The following SYT1 variants were observed in gnomAD, a reference collection of about 807,000 sequenced individuals.
The protein encoded by SYT1 is synaptotagmin-1.
SYT1 carries 8 observed loss-of-function variants against 44.8 expected under a neutral mutation model. That is an observed-to-expected ratio of 0.18 (90% CI 0.10 to 0.32). The LOEUF (loss-of-function observed/expected upper bound fraction) is 0.32. Among genes scored for constraint, SYT1 ranks in the 10% least tolerant of loss-of-function variants. SYT1 has a pLI of 1.00. For synonymous variants in SYT1, 154 were observed against 188.8 expected, an observed-to-expected ratio of 0.82 and a Z score of 1.51; for missense variants, 286 against 509.3, an observed-to-expected ratio of 0.56 and a Z score of 4.22.
At chr12:79,209,528 G>T (rs1034661244) in intron 3 of SYT1, among the ~76,000 whole-genome samples, 2 of 152,164 alleles carry the variant, frequency 1.3e-5, no homozygotes, top group Admixed American at 6.5e-5. Flanking sequence ...CTTCAGAGAT[G>T]AACTAAATCG....
At chr12:79,017,776 C>G (rs926778783) in intron 2 of SYT1, among the ~76,000 whole-genome samples, 1 of 151,998 alleles carries the variant, frequency 6.6e-6, no homozygotes, top group Non-Finnish European at 1.5e-5. Flanking sequence ...TTAGATTGTA[C>G]TTTGATAAAA....
intron 9 of SYT1, among the ~76,000 whole-genome samples, chr12:79,395,780 G>A (rs1884844654): frequency 6.7e-6 from 1 of 149,900 alleles, no homozygotes; most frequent in Non-Finnish European, 1.5e-5. Context: ...CATAATAAAA[G>A]GGGGAAAAGA....
intron 4 of SYT1, among the ~76,000 whole-genome samples, chr12:79,242,432 C>T (rs928108507): frequency 6.6e-6 from 1 of 152,146 alleles, no homozygotes; most frequent in African/African-American, 2.4e-5. Context: ...CAGTGAGAGG[C>T]CCCTCCCCTG....
chr12:78,868,463 G>A (rs1292881291), intron 1 of SYT1, among the ~76,000 whole-genome samples: 3 of 151,608 alleles, frequency 2.0e-5, no homozygotes, highest in Non-Finnish European at 3.0e-5. Context: ...AATACATGAC[G>A]TGGCTGATTT....
At chr12:79,107,246 CAG>C (rs1238386344) in intron 3 of SYT1, among the ~76,000 whole-genome samples, 2 of 151,648 alleles carry the variant, frequency 1.3e-5, no homozygotes, top group Non-Finnish European at 3.0e-5. Context: ...ACTTTAGGGC[CAG>C]AGAGTTTACT....
chr12:79,122,137 C>G (rs1868275980), intron 3 of SYT1, among the ~76,000 whole-genome samples: 1 of 152,162 alleles, frequency 6.6e-6, no homozygotes, highest in Non-Finnish European at 1.5e-5. Context: ...ACTCTCATTT[C>G]TTCAAACTCT....
At position 79,448,864 on chromosome 12, in the gene SYT1, C is replaced by T. The variant is rs1399653914; in HGVS notation, c.1063-54C>T. The T allele has an allele frequency of 2.9e-5, 44 of 1,531,348 alleles. 2 individuals carry two copies. In the South Asian group the frequency reaches 4.2e-4, roughly 15 times the overall value. 94.9% of individuals were successfully genotyped at this position (1,531,348 alleles called of 1,614,324 possible). ...TTAGCGCTCAAGGACGCTTTATAGT[C>T]GGGCCTTATCTCTAGAGCTAGATGA... is the stretch of plus-strand genomic sequence containing the variant. On this transcript the variant is annotated intron_variant, in intron 10 of 10. Transcript: ENST00000261205.
At chr12:79,078,003 C>A (rs11832199) in intron 3 of SYT1, among the ~76,000 whole-genome samples, 5,888 of 152,066 alleles carry the variant, frequency 0.039, 236 homozygotes, top group African/African-American at 0.097. Context: ...GGTACAGAGG[C>A]AATTTTGTAA....
At chr12:78,934,148 A>G (rs920210195) in intron 1 of SYT1, among the ~76,000 whole-genome samples, 2 of 149,692 alleles carry the variant, frequency 1.3e-5, no homozygotes, top group African/African-American at 2.5e-5. Context: ...GTGTGTGTGT[A>G]TGTGCGTGTG....
intron 4 of SYT1, 63 bp from the exon 5 acceptor site, chr12:79,285,724 G>T: frequency 1.6e-6 from 2 of 1,258,480 alleles, no homozygotes; most frequent in Admixed American, 4.7e-5. Context: ...TATAGCCCAT[G>T]AGTTAAAAGG....
intron 4 of SYT1, among the ~76,000 whole-genome samples, chr12:79,221,515 T>C (rs1331138326): frequency 6.6e-6 from 1 of 152,182 alleles, no homozygotes; most frequent in Non-Finnish European, 1.5e-5. Flanking sequence ...TGTGGCTAAA[T>C]GATTTTTCTC....
chr12:79,158,061 G>T (rs146074978), intron 3 of SYT1, among the ~76,000 whole-genome samples: 297 of 152,172 alleles, frequency 2.0e-3, no homozygotes, highest in African/African-American at 6.7e-3. Flanking sequence ...GAACGGGGTG[G>T]TTTCGGGGTG....
chr12:78,918,686 C>T (rs191349445), intron 1 of SYT1, among the ~76,000 whole-genome samples: 1 of 152,130 alleles, frequency 6.6e-6, no homozygotes, highest in East Asian at 1.9e-4. Flanking sequence ...CACAGAGAGA[C>T]CAACTGGGGC....
At chr12:79,401,224 C>T (rs1023908408) in intron 9 of SYT1, among the ~76,000 whole-genome samples, 1 of 151,980 alleles carries the variant, frequency 6.6e-6, no homozygotes, top group Non-Finnish European at 1.5e-5. Context: ...TCAAACATAC[C>T]GAATATCAAG....
At chr12:79,204,534 C>T (rs1438179207) in intron 3 of SYT1, among the ~76,000 whole-genome samples, 2 of 152,206 alleles carry the variant, frequency 1.3e-5, no homozygotes, top group African/African-American at 4.8e-5. Flanking sequence ...ACACTGAGAG[C>T]CGATTGGCTT....
chr12:79,122,871 C>T (rs1402608478), intron 3 of SYT1, among the ~76,000 whole-genome samples: 1 of 152,272 alleles, frequency 6.6e-6, no homozygotes, highest in Middle Eastern at 3.4e-3. Context: ...AACTGTTCAT[C>T]CAACTTGCTC....
intron 2 of SYT1, among the ~76,000 whole-genome samples, chr12:78,983,540 C>T (rs925105856): frequency 1.3e-5 from 2 of 152,086 alleles, no homozygotes; most frequent in Admixed American, 6.6e-5. Context: ...CTTAACCATT[C>T]TACATTTACT....
chr12:79,101,223 G>C (rs867432978), intron 3 of SYT1, among the ~76,000 whole-genome samples: 2 of 152,196 alleles, frequency 1.3e-5, no homozygotes, highest in African/African-American at 4.8e-5. Context: ...CTATTCACAA[G>C]TACCACTTAT....
intron 3 of SYT1, among the ~76,000 whole-genome samples, chr12:79,129,355 G>A (rs1457314396): frequency 6.6e-6 from 1 of 152,164 alleles, no homozygotes; most frequent in Non-Finnish European, 1.5e-5. Flanking sequence ...GCTATGAGCA[G>A]AAGATAAAAG....
Sources: gnomAD v4.1 joint callset for allele counts (sites outside exome capture counted in the v4.1 genomes callset) on GRCh38, gnomAD v4.1.1 for gene constraint, MANE v1.5 for transcripts, NCBI Gene and HGNC (gene_info 2026-07-23, HGNC 2026-07-21) for gene names.